Variants in NBEA observed in about 807,000 individuals in gnomAD.
NBEA encodes neurobeachin, also known as lysosomal-trafficking regulator 2.
Under a neutral mutation model 343.4 loss-of-function variants are expected in NBEA, and 44 were observed. The ratio of observed to expected loss-of-function variants is 0.13; its 90% CI spans 0.10 to 0.16. NBEA has a LOEUF of 0.16. Among genes scored for constraint, NBEA ranks in the 10% least tolerant of loss-of-function variants. NBEA has a pLI of 1.00. For synonymous variants in NBEA, 1,175 were observed against 1,238.7 expected (o/e 0.95, Z 1.08); for missense variants, 2,555 against 3,631.3 (o/e 0.70, Z 7.62).
chr13:35,154,855 G>A (rs1184707655), intron 18 of NBEA, among the ~76,000 whole-genome samples: 1 of 152,080 alleles, frequency 6.6e-6, no homozygotes, highest in Non-Finnish European at 1.5e-5. Context: ...GCCAGATGTG[G>A]TGGCTCATGC....
At chr13:35,389,201 G>A (rs528038315) in intron 38 of NBEA, among the ~76,000 whole-genome samples, 7 of 152,048 alleles carry the variant, frequency 4.6e-5, no homozygotes, top group East Asian at 3.9e-4. Flanking sequence ...GTCATTTCCC[G>A]TAATTGTATC....
chr13:34,954,021 C>T (rs528373446), intron 1 of NBEA, among the ~76,000 whole-genome samples: 3 of 152,214 alleles, frequency 2.0e-5, no homozygotes, highest in Non-Finnish European at 2.9e-5. Context: ...CTGAACCCCC[C>T]TATTCATGGA....
intron 1 of NBEA, among the ~76,000 whole-genome samples, chr13:34,948,916 G>A (rs2059268784): frequency 6.6e-6 from 1 of 152,120 alleles, no homozygotes; most frequent in Non-Finnish European, 1.5e-5. Context: ...AGGCAGAGAG[G>A]CTCTTTCTGC....
At chr13:35,342,930 C>A (rs2039668738) in intron 36 of NBEA, among the ~76,000 whole-genome samples, 1 of 151,534 alleles carries the variant, frequency 6.6e-6, no homozygotes. Context: ...TCAATAAGCA[C>A]AATAAATATA....
chr13:35,435,881 C>T (rs982974337), intron 39 of NBEA, among the ~76,000 whole-genome samples: 2 of 151,998 alleles, frequency 1.3e-5, no homozygotes, highest in Non-Finnish European at 2.9e-5. Flanking sequence ...AAACATTTTG[C>T]CAATGCACAT....
At chr13:35,469,925 G>A (rs889323013) in intron 40 of NBEA, among the ~76,000 whole-genome samples, 4 of 152,096 alleles carry the variant, frequency 2.6e-5, no homozygotes, top group Non-Finnish European at 2.9e-5. Context: ...TTTTAATATC[G>A]GATCCCTAAA....
chr13:35,430,788 A>C (rs1171238152), intron 38 of NBEA, among the ~76,000 whole-genome samples: 1 of 152,148 alleles, frequency 6.6e-6, no homozygotes, highest in Non-Finnish European at 1.5e-5. Flanking sequence ...TCCTTAAATT[A>C]CTGGGATTAG....
intron 38 of NBEA, among the ~76,000 whole-genome samples, chr13:35,355,400 A>G (rs2152868473): frequency 6.6e-6 from 1 of 152,260 alleles, no homozygotes; most frequent in East Asian, 1.9e-4. Flanking sequence ...ACCACTAGTC[A>G]TGTGTGGCTA....
chr13:35,575,388 C>T (rs1009809467), intron 45 of NBEA, among the ~76,000 whole-genome samples: 1 of 152,076 alleles, frequency 6.6e-6, no homozygotes, highest in Non-Finnish European at 1.5e-5. Context: ...TTAAAGCATT[C>T]TTATTTAGAA....
At chr13:35,307,046 A>G (rs1371046083) in intron 35 of NBEA, among the ~76,000 whole-genome samples, 1 of 152,022 alleles carries the variant, frequency 6.6e-6, no homozygotes. Context: ...TTTTCCCCAA[A>G]TGTATTCTTC....
intron 36 of NBEA, among the ~76,000 whole-genome samples, chr13:35,318,947 A>G (rs1213966049): frequency 6.6e-6 from 1 of 152,094 alleles, no homozygotes; most frequent in East Asian, 1.9e-4. Context: ...TCAGTGTGAT[A>G]TCCTCTTTAT....
At chr13:35,642,374 G>T (rs182753715) in intron 49 of NBEA, among the ~76,000 whole-genome samples, 20 of 152,006 alleles carry the variant, frequency 1.3e-4, no homozygotes, top group African/African-American at 4.8e-4. Context: ...TCTAATAATG[G>T]ATAACATAGA....
chr13:34,957,207 A>G (rs1003140762), intron 1 of NBEA, among the ~76,000 whole-genome samples: 2 of 151,986 alleles, frequency 1.3e-5, no homozygotes, highest in African/African-American at 4.8e-5. Flanking sequence ...TGAAACTTCT[A>G]TGTATTGCTC....
chr13:35,097,638 A>T (rs2152637392), intron 10 of NBEA, among the ~76,000 whole-genome samples: 1 of 152,106 alleles, frequency 6.6e-6, no homozygotes, highest in African/African-American at 2.4e-5. Context: ...CCAAAGACAA[A>T]TCAAGTGCTT....
At chr13:35,400,213 A>G (rs1295146489) in intron 38 of NBEA, among the ~76,000 whole-genome samples, 1 of 150,348 alleles carries the variant, frequency 6.7e-6, no homozygotes, top group East Asian at 1.9e-4. Context: ...AAAAAAAAAA[A>G]AAAAAAAAAA....
At chr13:35,017,371 T>G (rs191674972) in intron 1 of NBEA, among the ~76,000 whole-genome samples, 1 of 152,286 alleles carries the variant, frequency 6.6e-6, no homozygotes, top group East Asian at 1.9e-4. Context: ...GTTTAGTGCC[T>G]GTTATAAGAA....
At chr13:35,651,673 A>G (rs2153079711) in intron 52 of NBEA, 132 bp from the exon 53 acceptor site, 3 of 666,024 alleles carry the variant, frequency 4.5e-6, no homozygotes, top group South Asian at 3.6e-5. Context: ...GACACATAGT[A>G]TCAGAACAAT....
intron 17 of NBEA, among the ~76,000 whole-genome samples, chr13:35,130,643 C>G (rs965520801): frequency 1.1e-4 from 16 of 150,952 alleles, no homozygotes; most frequent in African/African-American, 3.9e-4. Context: ...CTTAGAAGAT[C>G]AATTACAAAA....
chr13:35,389,371 G>A (rs531030765), intron 38 of NBEA, among the ~76,000 whole-genome samples: 4 of 152,010 alleles, frequency 2.6e-5, no homozygotes, highest in South Asian at 2.1e-4. Context: ...TAAAATAACC[G>A]TTGCTTTTTC....
Sources: allele counts gnomAD v4.1 joint callset (sites outside exome capture counted in the v4.1 genomes callset), GRCh38; gene constraint gnomAD v4.1.1; transcripts MANE v1.5; gene names NCBI Gene and HGNC (gene_info 2026-07-23, HGNC 2026-07-21).